UNC5C: variants seen among roughly 807,000 people sequenced by gnomAD.
The protein encoded by UNC5C is netrin receptor UNC5C.
Under a neutral mutation model 99.8 loss-of-function variants are expected in UNC5C, and 47 were observed. That is an observed-to-expected ratio of 0.47 (90% CI 0.37 to 0.60). The LOEUF (loss-of-function observed/expected upper bound fraction) is 0.60. Among genes scored for constraint, UNC5C ranks in the 20% least tolerant of loss-of-function variants. UNC5C has a pLI of 0.00. For synonymous variants in UNC5C, 487 were observed against 452.2 expected, an observed-to-expected ratio of 1.08 and a Z score of -0.98; for missense variants, 1,062 against 1,165.9, an observed-to-expected ratio of 0.91 and a Z score of 1.30.
At chr4:95,288,075 T>TTTA (rs1741302929) in intron 3 of UNC5C, among the ~76,000 whole-genome samples, 1 of 150,282 alleles carries the variant, frequency 6.7e-6, no homozygotes, top group Non-Finnish European at 1.5e-5. Flanking sequence ...TATTTATTTA[T>TTTA]TTATTTATTT....
Position 95,499,423 on chromosome 4 carries a change from T to A in UNC5C, c.124+49311A>T, listed in dbSNP as rs559541755. On this transcript the variant is annotated intron_variant, in intron 1 of 15. Coordinates refer to ENST00000453304, the MANE Select transcript of UNC5C (RefSeq NM_003728.4). Reference sequence around the variant, plus strand: ...AGAGCATTCTCAGGTATTGCTTCTATCCAAGCAGCCTTTGCCTCTGTGGGA... The same window carrying A: ...AGAGCATTCTCAGGTATTGCTTCTAACCAAGCAGCCTTTGCCTCTGTGGGA... Among the ~76,000 whole-genome samples the A allele has an allele frequency of 1.9e-4, 29 of 152,234 alleles. No homozygotes were observed. The South Asian group carries it at 5.6e-3, about 29-fold the overall frequency.
At chr4:95,490,779 T>A (rs1275902255) in intron 1 of UNC5C, among the ~76,000 whole-genome samples, 1 of 151,742 alleles carries the variant, frequency 6.6e-6, no homozygotes, top group Non-Finnish European at 1.5e-5. Context: ...AACAGTAAAG[T>A]ACTTTAAAAG....
intron 7 of UNC5C, among the ~76,000 whole-genome samples, chr4:95,227,730 T>G (rs1329438414): frequency 6.6e-6 from 1 of 152,194 alleles, no homozygotes; most frequent in African/African-American, 2.4e-5. Context: ...GAAAGGATGT[T>G]TGCAAAGTTA....
chr4:95,438,606 G>A (rs1746858722), intron 1 of UNC5C, among the ~76,000 whole-genome samples: 1 of 152,152 alleles, frequency 6.6e-6, no homozygotes, highest in South Asian at 2.1e-4. Flanking sequence ...AAATCCTTAA[G>A]AGCTAGGCAT....
intron 1 of UNC5C, among the ~76,000 whole-genome samples, chr4:95,346,375 C>A (rs1000875549): frequency 5.3e-5 from 8 of 151,962 alleles, no homozygotes; most frequent in Middle Eastern, 3.2e-3. Flanking sequence ...AATACCAATC[C>A]TCTCAAACTA....
intron 1 of UNC5C, among the ~76,000 whole-genome samples, chr4:95,447,780 A>G (rs938443258): frequency 7.9e-5 from 12 of 152,158 alleles, no homozygotes; most frequent in Non-Finnish European, 1.2e-4. Context: ...GATTATGGGC[A>G]TGACCCACTG....
intron 12 of UNC5C, among the ~76,000 whole-genome samples, chr4:95,197,882 A>G (rs1737493431): frequency 6.6e-6 from 1 of 151,680 alleles, no homozygotes; most frequent in African/African-American, 2.4e-5. Context: ...CATAATGACG[A>G]GAGAGTTCAG....
chr4:95,416,268 T>C (rs1020214310), intron 1 of UNC5C, among the ~76,000 whole-genome samples: 4 of 152,154 alleles, frequency 2.6e-5, no homozygotes, highest in African/African-American at 7.2e-5. Flanking sequence ...ACAGGCTAAA[T>C]AAGAATTTTT....
At chr4:95,506,327 T>C (rs1721920896) in intron 1 of UNC5C, among the ~76,000 whole-genome samples, 1 of 152,062 alleles carries the variant, frequency 6.6e-6, no homozygotes, top group African/African-American at 2.4e-5. Context: ...CTTTCTTATC[T>C]GCCTCAGATG....
At chr4:95,175,296 C>G (rs976105118) in intron 14 of UNC5C, among the ~76,000 whole-genome samples, 1 of 151,938 alleles carries the variant, frequency 6.6e-6, no homozygotes, top group African/African-American at 2.4e-5. Flanking sequence ...ATGATGTTAG[C>G]TGGTTATTTT....
chr4:95,295,546 A>C (rs1741642275), intron 3 of UNC5C, among the ~76,000 whole-genome samples: 1 of 152,220 alleles, frequency 6.6e-6, no homozygotes, highest in Admixed American at 6.5e-5. Context: ...TTAATAGTCA[A>C]TATTCATTTA....
chr4:95,332,587 C>T (rs144459403), intron 2 of UNC5C, among the ~76,000 whole-genome samples: 26,268 of 151,650 alleles, frequency 0.17, 2,457 homozygotes, highest in African/African-American at 0.21. Context: ...GGATTAAAGA[C>T]TTAAACGTTA....
intron 1 of UNC5C, among the ~76,000 whole-genome samples, chr4:95,377,363 G>A (rs1040238307): frequency 2.0e-5 from 3 of 152,100 alleles, no homozygotes; most frequent in African/African-American, 4.8e-5. Flanking sequence ...AACCTTGGTC[G>A]TTGTTCCAGC....
At chr4:95,321,432 T>A (rs1190213913) in intron 2 of UNC5C, among the ~76,000 whole-genome samples, 2 of 152,196 alleles carry the variant, frequency 1.3e-5, no homozygotes, top group Admixed American at 1.3e-4. Flanking sequence ...ATAAGTCAGC[T>A]AGCAGAGATT....
intron 1 of UNC5C, among the ~76,000 whole-genome samples, chr4:95,542,240 A>G (rs939221327): frequency 6.6e-6 from 1 of 152,094 alleles, no homozygotes; most frequent in African/African-American, 2.4e-5. Flanking sequence ...ATGAAGTTTC[A>G]CCCGGCTCCC....
At chr4:95,481,006 C>T (rs1408812570) in intron 1 of UNC5C, among the ~76,000 whole-genome samples, 29 of 149,884 alleles carry the variant, frequency 1.9e-4, no homozygotes, top group Admixed American at 3.3e-4. Context: ...AAGTTCTGGC[C>T]AGGGCAATTA....
intron 1 of UNC5C, among the ~76,000 whole-genome samples, chr4:95,489,786 G>A (rs1486415418): frequency 1.3e-5 from 2 of 151,678 alleles, no homozygotes; most frequent in Non-Finnish European, 2.9e-5. Flanking sequence ...GGTAACGGAA[G>A]AAGGGGGAGA....
rs1738722235 is a variant in UNC5C, at chr4:95,226,949, A to G, written c.1109-6773T>C. On this transcript the variant is annotated intron_variant, in intron 7 of 15. Coordinates refer to ENST00000453304, the MANE Select transcript of UNC5C (RefSeq NM_003728.4). Reference sequence around the variant, plus strand: ...CCATGAAAGGATGGCCCAGAACAAAATCCACCTCCCTTGATAACAACTTTC... The same window carrying G: ...CCATGAAAGGATGGCCCAGAACAAAGTCCACCTCCCTTGATAACAACTTTC... Among the ~76,000 whole-genome samples, 3 of 152,058 alleles carry G rather than the reference A, an allele frequency of 2.0e-5. No homozygotes were observed. The South Asian group carries it at 6.2e-4, about 32-fold the overall frequency.
intron 1 of UNC5C, among the ~76,000 whole-genome samples, chr4:95,442,073 T>G (rs1284642002): frequency 6.6e-6 from 1 of 152,208 alleles, no homozygotes; most frequent in African/African-American, 2.4e-5. Context: ...CTGTGAACCA[T>G]GTCAACTTTT....
Sources: allele counts gnomAD v4.1 joint callset (sites outside exome capture counted in the v4.1 genomes callset), GRCh38; gene constraint gnomAD v4.1.1; transcripts MANE v1.5; gene names NCBI Gene and HGNC (gene_info 2026-07-23, HGNC 2026-07-21).